The following IL1RAPL2 variants were observed in gnomAD, a reference collection of about 807,000 sequenced individuals.
IL1RAPL2 encodes interleukin 1 receptor accessory protein like 2.
IL1RAPL2 carries 3 observed loss-of-function variants against 44.1 expected under a neutral mutation model. The ratio of observed to expected loss-of-function variants is 0.07; its 90% CI spans 0.03 to 0.18. The LOEUF is 0.18. Among genes scored for constraint, IL1RAPL2 ranks in the 10% least tolerant of loss-of-function variants. The pLI, the probability that IL1RAPL2 is intolerant of heterozygous loss-of-function variation, is 1.00. For missense variants in IL1RAPL2, 391 were observed against 496.4 expected (o/e 0.79, Z 2.02); for synonymous variants, 181 against 178.8 (o/e 1.01, Z -0.10).
At chrX:105,140,487 G>A (rs2033116434) in intron 2 of IL1RAPL2, among the ~76,000 whole-genome samples, 2 of 106,720 alleles carry the variant, frequency 1.9e-5, no homozygotes, top group South Asian at 7.4e-4. Context: ...AAGCAGCCCT[G>A]GTCTGTTTAC....
In IL1RAPL2 at chrX:105,638,263, C is replaced by CT. The variant is rs1222603749; in HGVS notation, c.773-79095dup. Among the ~76,000 whole-genome samples, 139 of 109,455 alleles carry CT rather than the reference C, an allele frequency of 1.3e-3. 1 individual carries two copies. Among genetic ancestry groups the CT allele is most frequent in the African/African-American group, 4.2e-3 (126 of 30,191 alleles). On this transcript the variant is annotated intron_variant, in intron 6 of 10. Coordinates refer to ENST00000372582, the MANE Select transcript of IL1RAPL2 (RefSeq NM_017416.2). ...GAACATTTTTAAAGTTTCTTCTTTT[C>CT]TTTTTTTTTCTTTTTTCTTTTTTTA...
intron 2 of IL1RAPL2, among the ~76,000 whole-genome samples, chrX:104,759,408 C>T (rs949306849): frequency 8.9e-6 from 1 of 111,766 alleles, no homozygotes; most frequent in Non-Finnish European, 1.9e-5. Context: ...TGATTTATTG[C>T]TTTAGACTCT....
chrX:105,068,225 C>T (rs1406259361), intron 2 of IL1RAPL2, among the ~76,000 whole-genome samples: 1 of 111,476 alleles, frequency 9.0e-6, no homozygotes, highest in Non-Finnish European at 1.9e-5. Context: ...AATTCAGCAA[C>T]CAAAACTTCA....
At chrX:105,412,588 G>A (rs970309516) in intron 5 of IL1RAPL2, among the ~76,000 whole-genome samples, 9 of 110,879 alleles carry the variant, frequency 8.1e-5, no homozygotes, top group Non-Finnish European at 1.7e-4. Context: ...ATGTGGCGAA[G>A]TTGGTCAATG....
rs181144376 is a variant in IL1RAPL2 at position 105,580,734 on chromosome X, A to G, written c.772+96347A>G. On this transcript the variant is annotated intron_variant, in intron 6 of 10. Transcript: ENST00000372582. ...AGCAGAGAAAGAATCCCTAGGAGGC[A>G]TTGGCAGCTCTTTTAATTTGATTGC... 2.5e-3 allele frequency among the ~76,000 whole-genome samples: 284 copies of G among 111,685 alleles called. 1 individual carries two copies. Among genetic ancestry groups the G allele is most frequent in the African/African-American group, 8.9e-3 (275 of 30,787 alleles).
At chrX:105,644,497 T>C (rs1416364973) in intron 6 of IL1RAPL2, among the ~76,000 whole-genome samples, 2 of 111,538 alleles carry the variant, frequency 1.8e-5, no homozygotes, top group Non-Finnish European at 3.8e-5. Flanking sequence ...GGTAAAGAAG[T>C]AGGGACAAAA....
At chrX:104,852,672 C>A (rs1210974196) in intron 2 of IL1RAPL2, among the ~76,000 whole-genome samples, 1 of 111,776 alleles carries the variant, frequency 8.9e-6, no homozygotes, top group Non-Finnish European at 1.9e-5. Context: ...CAGGAGAAGG[C>A]AAGATAAGAA....
chrX:105,694,824 C>T (rs1264759443), intron 6 of IL1RAPL2, among the ~76,000 whole-genome samples: 1 of 111,315 alleles, frequency 9.0e-6, no homozygotes, highest in Non-Finnish European at 1.9e-5. Context: ...TCCAAATAAG[C>T]CACTTTTTAG....
intron 2 of IL1RAPL2, among the ~76,000 whole-genome samples, chrX:105,093,765 C>A (rs1374926533): frequency 8.9e-6 from 1 of 111,838 alleles, no homozygotes; most frequent in Non-Finnish European, 1.9e-5. Flanking sequence ...AGAAACAGCA[C>A]AGACCTTAGA....
chrX:105,726,515 G>A (rs1295541130), intron 7 of IL1RAPL2, among the ~76,000 whole-genome samples: 1 of 111,609 alleles, frequency 9.0e-6, no homozygotes, highest in Non-Finnish European at 1.9e-5. Flanking sequence ...TAATCAGGCT[G>A]GGAGGACAGA....
intron 7 of IL1RAPL2, among the ~76,000 whole-genome samples, chrX:105,734,049 T>C (rs2038427009): frequency 1.8e-5 from 2 of 111,549 alleles, no homozygotes; most frequent in African/African-American, 6.5e-5. Context: ...TGAAATTCCC[T>C]CTAGTGTTTT....
chrX:104,881,326 A>G (rs1445228483), intron 2 of IL1RAPL2, among the ~76,000 whole-genome samples: 1 of 111,852 alleles, frequency 8.9e-6, no homozygotes, highest in Non-Finnish European at 1.9e-5. Context: ...TAATTCAGTA[A>G]AAGTGGTCAT....
At chrX:105,030,872 T>A (rs1273411817) in intron 2 of IL1RAPL2, among the ~76,000 whole-genome samples, 1 of 112,008 alleles carries the variant, frequency 8.9e-6, no homozygotes, top group Non-Finnish European at 1.9e-5. Flanking sequence ...TTCCTACCCA[T>A]GAGCGTGGAA....
At chrX:105,506,799 G>A (rs896899474) in intron 6 of IL1RAPL2, among the ~76,000 whole-genome samples, 4 of 111,773 alleles carry the variant, frequency 3.6e-5, no homozygotes. Context: ...AGAGCTTCTG[G>A]TCCATCGACA....
At chrX:104,924,043 G>T (rs1354005144) in intron 2 of IL1RAPL2, among the ~76,000 whole-genome samples, 2 of 13,309 alleles carry the variant, frequency 1.5e-4, no homozygotes, top group African/African-American at 2.0e-4. Flanking sequence ...TATAACAATA[G>T]TAAAAAAAAA....
At chrX:105,297,601 C>T (rs1659225687) in intron 5 of IL1RAPL2, among the ~76,000 whole-genome samples, 1 of 110,568 alleles carries the variant, frequency 9.0e-6, no homozygotes, top group South Asian at 3.9e-4. Flanking sequence ...ATCAAACAAC[C>T]AGATCTCATG....
chrX:105,561,341 C>A (rs1254271004), intron 6 of IL1RAPL2, among the ~76,000 whole-genome samples: 1 of 111,647 alleles, frequency 9.0e-6, no homozygotes, highest in East Asian at 2.8e-4. Flanking sequence ...AGTAAAGAAG[C>A]ACTTGAAGAA....
At chrX:104,727,424 T>C (rs1412632217) in intron 2 of IL1RAPL2, among the ~76,000 whole-genome samples, 1 of 111,087 alleles carries the variant, frequency 9.0e-6, no homozygotes, top group African/African-American at 3.3e-5. Context: ...TATTAAAAAG[T>C]AAAAAATAAC....
intron 3 of IL1RAPL2, among the ~76,000 whole-genome samples, 196 bp downstream of exon 3, chrX:105,195,944 A>C (rs1261522131): frequency 8.9e-6 from 1 of 111,953 alleles, no homozygotes; most frequent in African/African-American, 3.2e-5. Context: ...ATTTTCATAA[A>C]ATAGGATTCC....
Sources: allele counts gnomAD v4.1 joint callset (sites outside exome capture counted in the v4.1 genomes callset), GRCh38; gene constraint gnomAD v4.1.1; transcripts MANE v1.5; gene names NCBI Gene and HGNC (gene_info 2026-07-23, HGNC 2026-07-21).